PRKCA: variants seen among roughly 807,000 people sequenced by gnomAD.
The protein encoded by PRKCA is protein kinase C alpha.
A neutral mutation model predicts 87.0 loss-of-function variants in PRKCA; 27 were observed. That is an observed-to-expected ratio of 0.31 (90% CI 0.23 to 0.43). The LOEUF (loss-of-function observed/expected upper bound fraction) is 0.43, where lower values mean the gene tolerates loss of function less well. Ranked by LOEUF, PRKCA falls within the 20% of genes least tolerant of loss-of-function variation. The pLI is 1.00. For missense variants in PRKCA, 518 were observed against 852.3 expected (o/e 0.61, Z 4.88); for synonymous variants, 329 against 311.1 (o/e 1.06, Z -0.61).
intron 3 of PRKCA, among the ~76,000 whole-genome samples, chr17:66,605,925 T>TG (rs140849265): frequency 0.051 from 7,695 of 152,170 alleles, 266 homozygotes; most frequent in East Asian, 0.12. Context: ...GGGCTGGGGA[T>TG]GGGGAGCATT....
At chr17:66,516,857 C>G (rs190319063) in intron 3 of PRKCA, among the ~76,000 whole-genome samples, 3 of 152,130 alleles carry the variant, frequency 2.0e-5, no homozygotes, top group Non-Finnish European at 2.9e-5. Context: ...ACAAGAAATG[C>G]TAGCTCTGAT....
chr17:66,682,820 T>C (rs1480760011), intron 5 of PRKCA, among the ~76,000 whole-genome samples: 1 of 152,194 alleles, frequency 6.6e-6, no homozygotes, highest in Admixed American at 6.5e-5. Context: ...CTGGGTCTGT[T>C]CTTCTTGGAC....
At chr17:66,670,570 T>A (rs1000100084) in intron 5 of PRKCA, among the ~76,000 whole-genome samples, 1 of 152,154 alleles carries the variant, frequency 6.6e-6, no homozygotes, top group Non-Finnish European at 1.5e-5. Flanking sequence ...AACAACATTT[T>A]AAAAATTTTG....
rs774018396 is a variant in PRKCA at position 66,803,785 on chromosome 17, G to T, written c.1855-88G>T. The T allele has an allele frequency of 1.3e-6, 2 of 1,542,688 alleles. No individual in the cohort carries two copies. Among genetic ancestry groups the T allele is most frequent in the Non-Finnish European group, 1.8e-6 (2 of 1,139,850 alleles). ...AACCAGCCCGGAGTTCCCCAGGGCC[G>T]TGCCCCTCCCCAGAGAGGGCCCTCG... On this transcript the variant is annotated intron_variant, in intron 16 of 16. Transcript: ENST00000413366. This position sits in a 1 kb window ranked among gnomAD's most constrained non-coding sequence, Gnocchi z 4.4.
intron 2 of PRKCA, among the ~76,000 whole-genome samples, chr17:66,316,262 C>T (rs1214465814): frequency 6.6e-6 from 1 of 152,178 alleles, no homozygotes; most frequent in African/African-American, 2.4e-5. Context: ...TCATGCTTTG[C>T]CACATACTGA....
intron 3 of PRKCA, among the ~76,000 whole-genome samples, chr17:66,545,232 T>A (rs770540727): frequency 1.3e-5 from 2 of 152,146 alleles, no homozygotes; most frequent in East Asian, 2.0e-4. Context: ...ATCGAGACCA[T>A]CCTGGCTAAC....
intron 13 of PRKCA, among the ~76,000 whole-genome samples, chr17:66,765,702 T>C (rs1974798795): frequency 6.6e-6 from 1 of 151,970 alleles, no homozygotes; most frequent in African/African-American, 2.4e-5. Context: ...GGCCACTGTA[T>C]TGGATAGTGG....
chr17:66,413,249 C>T (rs972625626), intron 2 of PRKCA, among the ~76,000 whole-genome samples: 3 of 152,128 alleles, frequency 2.0e-5, no homozygotes, highest in African/African-American at 4.8e-5. Flanking sequence ...TAGGCAAATA[C>T]TTATATTTGC....
chr17:66,545,429 A>T (rs1165634374), intron 3 of PRKCA, among the ~76,000 whole-genome samples: 4 of 152,182 alleles, frequency 2.6e-5, no homozygotes, highest in Non-Finnish European at 4.4e-5. Context: ...ACTCTGTCTC[A>T]AAAAAACAGA....
At chr17:66,583,371 C>T (rs1336666077) in intron 3 of PRKCA, among the ~76,000 whole-genome samples, 7 of 152,022 alleles carry the variant, frequency 4.6e-5, no homozygotes, top group Admixed American at 2.6e-4. Context: ...TGTTCTGTTA[C>T]TCATAAAAAT....
intron 14 of PRKCA, among the ~76,000 whole-genome samples, chr17:66,785,357 G>C (rs9901261): frequency 0.35 from 53,162 of 151,968 alleles, 10,483 homozygotes; most frequent in African/African-American, 0.54. Context: ...ACCTGTGATC[G>C]AGGATTCAGT....
At chr17:66,658,630 G>A (rs1419838762) in intron 5 of PRKCA, among the ~76,000 whole-genome samples, 5 of 152,166 alleles carry the variant, frequency 3.3e-5, no homozygotes, top group Non-Finnish European at 7.3e-5. Flanking sequence ...ATATCATATG[G>A]CGTTGACTTT....
At chr17:66,471,588 C>G (rs1263947113) in intron 2 of PRKCA, among the ~76,000 whole-genome samples, 1 of 151,604 alleles carries the variant, frequency 6.6e-6, no homozygotes, top group Non-Finnish European at 1.5e-5. Flanking sequence ...AAATGTAAAA[C>G]ACATTTTCAA....
chr17:66,587,777 GTGTATA>G (rs1416342372), intron 3 of PRKCA, among the ~76,000 whole-genome samples: 1 of 113,418 alleles, frequency 8.8e-6, no homozygotes, highest in African/African-American at 3.3e-5. Context: ...ACGTATATGT[GTGTATA>G]TGTATACATA....
chr17:66,640,691 G>A (rs577017931), intron 3 of PRKCA, among the ~76,000 whole-genome samples: 18 of 152,230 alleles, frequency 1.2e-4, no homozygotes, highest in South Asian at 4.2e-4. Context: ...GTGTCTACTC[G>A]TGCCCCAGCC....
At chr17:66,733,395 G>A (rs1182210196) in intron 9 of PRKCA, among the ~76,000 whole-genome samples, 1 of 152,172 alleles carries the variant, frequency 6.6e-6, no homozygotes, top group East Asian at 1.9e-4. Flanking sequence ...TGGGGGGAAA[G>A]CTTGACTTAT....
intron 2 of PRKCA, among the ~76,000 whole-genome samples, chr17:66,351,719 T>C (rs1907758027): frequency 6.6e-6 from 1 of 152,186 alleles, no homozygotes; most frequent in South Asian, 2.1e-4. Context: ...AAATGCCTAC[T>C]CAAACCAGCG....
chr17:66,564,780 G>C (rs978584593), intron 3 of PRKCA, among the ~76,000 whole-genome samples: 1 of 152,088 alleles, frequency 6.6e-6, no homozygotes, highest in Non-Finnish European at 1.5e-5. Flanking sequence ...GGGAGTTCAA[G>C]ACCAGCCTGG....
intron 3 of PRKCA, among the ~76,000 whole-genome samples, chr17:66,621,958 T>C (rs1314874712): frequency 1.3e-5 from 2 of 152,128 alleles, no homozygotes; most frequent in South Asian, 2.1e-4. Context: ...TCCCAGCAAT[T>C]TGGGCGTCCA....
Sources: gnomAD v4.1 joint callset for allele counts (sites outside exome capture counted in the v4.1 genomes callset) on GRCh38, gnomAD v4.1.1 for gene constraint, Gnocchi (gnomAD v3.1) non-coding constraint, MANE v1.5 for transcripts, NCBI Gene and HGNC (gene_info 2026-07-23, HGNC 2026-07-21) for gene names.